MCF2L2: variants seen among roughly 807,000 people sequenced by gnomAD.
MCF2L2 encodes MCF.2 cell line derived transforming sequence-like 2, also known as probable guanine nucleotide exchange factor MCF2L2.
In MCF2L2, 102 loss-of-function variants were observed where a neutral mutation model predicts 150.2. The ratio of observed to expected loss-of-function variants is 0.68; its 90% CI spans 0.58 to 0.80. MCF2L2 has a LOEUF of 0.80. Among genes scored for constraint, MCF2L2 ranks in the 30% least tolerant of loss-of-function variants. MCF2L2 has a pLI of 0.00. For missense variants in MCF2L2, 1,256 were observed against 1,372.8 expected (o/e 0.91, Z 1.34); for synonymous variants, 465 against 491.3 (o/e 0.95, Z 0.71).
At chr3:183,349,504 G>A (rs1731028305) in intron 3 of MCF2L2, among the ~76,000 whole-genome samples, 1 of 152,056 alleles carries the variant, frequency 6.6e-6, no homozygotes, top group African/African-American at 2.4e-5. Flanking sequence ...CTGATCATAG[G>A]GGACACAGAA....
chr3:183,387,615 T>C (rs1346374334), intron 2 of MCF2L2, among the ~76,000 whole-genome samples: 5 of 152,186 alleles, frequency 3.3e-5, no homozygotes, highest in African/African-American at 1.2e-4. Context: ...ACTAAGTGTT[T>C]TTCATACATT....
At chr3:183,349,449 AG>A (rs1191654765) in intron 3 of MCF2L2, among the ~76,000 whole-genome samples, 1 of 152,082 alleles carries the variant, frequency 6.6e-6, no homozygotes, top group Admixed American at 6.6e-5. Context: ...TTTGATTCAT[AG>A]GTTATATAGA....
At position 183,275,601 on chromosome 3, in the gene MCF2L2, G is replaced by GT. The variant is rs1437223534; in HGVS notation, c.1862+1270dup. ...AGTATGATTTGGCAGTCTGCCATAC[G>GT]TTTTTTGTTTTTTTTCTTCCTCTTT... On this transcript the variant is annotated intron_variant, in intron 15 of 29. Coordinates refer to ENST00000328913, the MANE Select transcript of MCF2L2 (RefSeq NM_015078.4). Among the ~76,000 whole-genome samples the GT allele has an allele frequency of 5.9e-5, 9 of 152,186 alleles. No individual in the cohort carries two copies. The East Asian group carries it at 1.7e-3, about 29-fold the overall frequency.
Position 183,195,211 on chromosome 3 carries a change from T to A in MCF2L2, c.2918+11A>T. On this transcript the variant is annotated intron_variant, in intron 26 of 29. Coordinates refer to ENST00000328913, the MANE Select transcript of MCF2L2 (RefSeq NM_015078.4). The stretch of plus-strand genomic sequence containing the variant: ...TTGACATGCCTTTAAAATAAAAAAA[T>A]CAGTACTCACCTCGTGCTCATTTCA... 1 of 1,594,472 alleles carries A rather than the reference T, an allele frequency of 6.3e-7. No homozygotes were observed. Among genetic ancestry groups the A allele is most frequent in the Non-Finnish European group, 8.5e-7 (1 of 1,172,678 alleles).
At chr3:183,366,094 T>C (rs76887450) in intron 3 of MCF2L2, among the ~76,000 whole-genome samples, 6,103 of 152,162 alleles carry the variant, frequency 0.04, 345 homozygotes, top group African/African-American at 0.12. Context: ...AGAAAGACTT[T>C]ATGCAGGTTT....
At chr3:183,234,042 G>A (rs1054380061) in intron 15 of MCF2L2, among the ~76,000 whole-genome samples, 1 of 152,208 alleles carries the variant, frequency 6.6e-6, no homozygotes, top group African/African-American at 2.4e-5. Flanking sequence ...CTAAGTCACT[G>A]AGAAAGAGGT....
At chr3:183,363,937 T>A (rs915619440) in intron 3 of MCF2L2, among the ~76,000 whole-genome samples, 6 of 152,128 alleles carry the variant, frequency 3.9e-5, no homozygotes, top group African/African-American at 1.4e-4. Flanking sequence ...CAGAAATTGA[T>A]CACAATGTAA....
chr3:183,273,409 T>C (rs1042895770), intron 15 of MCF2L2: 1 of 171,998 alleles, frequency 5.8e-6, no homozygotes, highest in Non-Finnish European at 1.3e-5. Flanking sequence ...ATTTAAACTT[T>C]TTCATGAACA....
chr3:183,275,633 G>A lies in MCF2L2; in HGVS notation c.1862+1239C>T, dbSNP rs1459615158. 3.9e-5 allele frequency among the ~76,000 whole-genome samples: 6 copies of A among 152,208 alleles called. No homozygotes were observed. The East Asian group carries it at 1.2e-3, about 29-fold the overall frequency. The stretch of plus-strand genomic sequence containing the variant: ...GTTTTTTTTCTTCCTCTTTGAGACA[G>A]GGTTTTGCTCTGTCACCCAGGCTGC... On this transcript the variant is annotated intron_variant, in intron 15 of 29. Coordinates refer to ENST00000328913, the MANE Select transcript of MCF2L2 (RefSeq NM_015078.4).
At chr3:183,255,031 A>G (rs1188787202) in intron 15 of MCF2L2, among the ~76,000 whole-genome samples, 1 of 152,218 alleles carries the variant, frequency 6.6e-6, no homozygotes, top group African/African-American at 2.4e-5. Context: ...AGGTACACCG[A>G]TGTGGTAACC....
At chr3:183,185,365 A>G (rs1036130616) in intron 27 of MCF2L2, among the ~76,000 whole-genome samples, 2 of 152,250 alleles carry the variant, frequency 1.3e-5, no homozygotes, top group African/African-American at 4.8e-5. Flanking sequence ...ACCAGGGGGT[A>G]ACTAACTGCT....
chr3:183,229,876 A>C, intron 16 of MCF2L2, 95 bp from the exon 17 acceptor site: 1 of 574,362 alleles, frequency 1.7e-6, no homozygotes, highest in Non-Finnish European at 3.2e-6. Flanking sequence ...TAGTGAAATG[A>C]TTGAAGAATA....
At position 183,206,288 on chromosome 3, in the gene MCF2L2, T is replaced by G. The variant is rs1436185558; in HGVS notation, c.2713-74A>C. On this transcript the variant is annotated intron_variant, in intron 23 of 29. Coordinates refer to ENST00000328913, the MANE Select transcript of MCF2L2 (RefSeq NM_015078.4). ...TTAAAATAGTCCCTGTCAATCACTC[T>G]AATCCTTTCTATCCTTGACAGCTCT... 160 of 1,069,398 alleles carry G rather than the reference T, an allele frequency of 1.5e-4. 1 individual carries two copies. The highest frequency in any genetic ancestry group is 2.2e-5 in the Non-Finnish European group (15 of 688,976). The allele number at this position is 1,069,398 out of a possible 1,614,324, so 66.2% of individuals were successfully genotyped here. A position where few individuals can be genotyped will look rare whatever the true frequency, so the allele number is the denominator to read the frequency against.
chr3:183,312,488 A>G (rs911654150), intron 7 of MCF2L2, among the ~76,000 whole-genome samples: 1 of 152,214 alleles, frequency 6.6e-6, no homozygotes, highest in Non-Finnish European at 1.5e-5. Context: ...ACTGCAAAAC[A>G]AAAGTGGCAG....
chr3:183,300,461 C>T (rs771151270), intron 10 of MCF2L2, among the ~76,000 whole-genome samples: 6 of 152,180 alleles, frequency 3.9e-5, no homozygotes, highest in Non-Finnish European at 8.8e-5. Context: ...ATAGTGTTAA[C>T]AAGCCCAAAA....
At chr3:183,384,487 G>C (rs536937440) in intron 2 of MCF2L2, among the ~76,000 whole-genome samples, 6 of 152,250 alleles carry the variant, frequency 3.9e-5, no homozygotes, top group Non-Finnish European at 5.9e-5. Context: ...GCACTTGATG[G>C]ATCAGCTGGC....
intron 1 of MCF2L2, among the ~76,000 whole-genome samples, chr3:183,398,066 T>C (rs1316722361): frequency 6.6e-6 from 1 of 152,204 alleles, no homozygotes; most frequent in Admixed American, 6.5e-5. Context: ...CTAAGTTCAA[T>C]TGCAATGAGC....
chr3:183,186,426 A>T (rs11717155), intron 27 of MCF2L2, among the ~76,000 whole-genome samples: 38,883 of 151,832 alleles, frequency 0.26, 6,536 homozygotes, highest in African/African-American at 0.45. Context: ...GCTAATTTTT[A>T]AAAAAAATTT....
intron 4 of MCF2L2, among the ~76,000 whole-genome samples, chr3:183,339,555 T>C (rs1006441423): frequency 3.3e-5 from 5 of 152,218 alleles, no homozygotes; most frequent in Non-Finnish European, 7.3e-5. Context: ...CGTAAAATAA[T>C]TACTGAATCA....
Sources: allele counts gnomAD v4.1 joint callset (sites outside exome capture counted in the v4.1 genomes callset), GRCh38; gene constraint gnomAD v4.1.1; transcripts MANE v1.5; gene names NCBI Gene and HGNC (gene_info 2026-07-23, HGNC 2026-07-21).